CCDC138: variants seen among roughly 807,000 people sequenced by gnomAD.
CCDC138 encodes coiled-coil domain-containing protein 138.
Under a neutral mutation model 82.3 loss-of-function variants are expected in CCDC138, and 66 were observed. That is an observed-to-expected ratio of 0.80 (90% CI 0.66 to 0.98). The LOEUF (loss-of-function observed/expected upper bound fraction) is 0.98, where lower values mean the gene tolerates loss of function less well. CCDC138 is among the 50% of genes least tolerant of loss of function. The probability of loss-of-function intolerance (pLI) is 0.00; values close to 1 mark genes in which losing one functional copy is unlikely to be tolerated. For synonymous variants in CCDC138, 297 were observed against 265.4 expected, an observed-to-expected ratio of 1.12 and a Z score of -1.16; for missense variants, 816 against 758.9, an observed-to-expected ratio of 1.08 and a Z score of -0.88.
intron 12 of CCDC138, among the ~76,000 whole-genome samples, chr2:108,855,590 T>TA (rs1355494401): frequency 6.6e-6 from 1 of 152,208 alleles, no homozygotes; most frequent in Non-Finnish European, 1.5e-5. Context: ...AATGTTTTTT[T>TA]AAACCACAAA....
At chr2:108,803,459 T>C (rs1250634950) in intron 6 of CCDC138, among the ~76,000 whole-genome samples, 3 of 152,228 alleles carry the variant, frequency 2.0e-5, no homozygotes, top group African/African-American at 7.2e-5. Context: ...TTAATTGTTT[T>C]AGAGACAGAG....
At chr2:108,824,164 A>G (rs1686177862) in intron 10 of CCDC138, among the ~76,000 whole-genome samples, 1 of 53,714 alleles carries the variant, frequency 1.9e-5, no homozygotes, top group Non-Finnish European at 4.6e-5. Context: ...AAATTTAGAA[A>G]AAAAAATTTT....
downstream of CCDC138, among the ~76,000 whole-genome samples, chr2:108,876,957 G>C (rs1248461330): frequency 6.6e-6 from 1 of 152,112 alleles, no homozygotes; most frequent in Non-Finnish European, 1.5e-5. Flanking sequence ...GGTAAAACTT[G>C]GGACTTAGGA....
At chr2:108,824,678 A>G (rs1686262015) in intron 10 of CCDC138, among the ~76,000 whole-genome samples, 1 of 151,178 alleles carries the variant, frequency 6.6e-6, no homozygotes, top group Non-Finnish European at 1.5e-5. Context: ...AACCAGTAAC[A>G]TAGTCATTTA....
chr2:108,885,481 C>G (rs1391653986), downstream of CCDC138: 1 of 152,156 alleles, frequency 6.6e-6, no homozygotes, highest in Non-Finnish European at 1.5e-5. Flanking sequence ...AAAGTAAGTA[C>G]TGTATCTGTA....
intron 10 of CCDC138, among the ~76,000 whole-genome samples, chr2:108,818,847 A>C (rs568633741): frequency 9.2e-5 from 14 of 151,916 alleles, no homozygotes; most frequent in Non-Finnish European, 2.1e-4. Flanking sequence ...ATTTGATCAC[A>C]GTTATAATTT....
rs371230298 is a variant in CCDC138, at chr2:108,849,818, C to A, written c.1516+2888C>A. On this transcript the variant is annotated intron_variant, in intron 12 of 14. Coordinates refer to ENST00000295124, the MANE Select transcript of CCDC138 (RefSeq NM_144978.3). ...TGGGGTTCCAGTGTTCATCTACTAC[C>A]TGGGGCCAAGGTACATGCTGCTGCC... 3.0e-4 allele frequency among the ~76,000 whole-genome samples: 46 copies of A among 152,290 alleles called. No homozygotes were observed. In the South Asian group the frequency reaches 9.3e-3, roughly 31 times the overall value.
intron 12 of CCDC138, among the ~76,000 whole-genome samples, chr2:108,854,010 A>AATATATAATAAATTTATATTATATATT (rs1692138330): frequency 2.0e-5 from 2 of 99,420 alleles, no homozygotes; most frequent in South Asian, 3.1e-4. Flanking sequence ...TATTATATAT[A>AATATATAATAAATTTATATTATATATT]ATATATAATA....
intron 10 of CCDC138, among the ~76,000 whole-genome samples, chr2:108,820,244 C>G (rs1685448045): frequency 6.6e-6 from 1 of 151,816 alleles, no homozygotes; most frequent in South Asian, 2.1e-4. Flanking sequence ...CCCGTGCCTA[C>G]AAAAAGTTCT....
At position 108,839,223 on chromosome 2, in the gene CCDC138, A is replaced by G. The variant is rs1196537418; in HGVS notation, c.1245A>G (p.Pro415=). Reference sequence around the variant, plus strand: ...TGACAGAGCAGCTACAGTGGATGCCATTTGTGAATATCAAACTTCACGAGC... The same window carrying G: ...TGACAGAGCAGCTACAGTGGATGCCGTTTGTGAATATCAAACTTCACGAGC... The part of the protein sequence containing the change: ...PLMTEQLQWM[P]FVNIKLHEPF... Residue 415 remains proline, a synonymous_variant, in exon 11 of 15, where the codon CCA becomes CCG. Coordinates refer to ENST00000295124, the MANE Select transcript of CCDC138 (RefSeq NM_144978.3). 2 of 1,612,364 alleles carry G rather than the reference A, an allele frequency of 1.2e-6. No individual in the cohort carries two copies. The highest frequency in any genetic ancestry group is 1.7e-6 in the Non-Finnish European group (2 of 1,179,028).
At position 108,862,848 on chromosome 2, in the gene CCDC138, G is replaced by A. The variant is rs142676058; in HGVS notation, c.1693+5878G>A. 1.1e-3 allele frequency among the ~76,000 whole-genome samples: 164 copies of A among 152,024 alleles called. 3 individuals carry two copies. The highest frequency in any genetic ancestry group is 3.9e-3 in the African/African-American group (161 of 41,466). On this transcript the variant is annotated intron_variant, in intron 13 of 14. Transcript: ENST00000295124. ...GTGCATATACAGTTGCATATTTGCA[G>A]GTAGGCTATGTTTATCTGTTTAAAA...
At chr2:108,811,095 CTTTTCTTTTTTT>C (rs1172853647) in intron 7 of CCDC138, among the ~76,000 whole-genome samples, 8 of 46,750 alleles carry the variant, frequency 1.7e-4, no homozygotes, top group Non-Finnish European at 3.5e-4. Flanking sequence ...CTCCTTTTTT[CTTTTCTTTTTTT>C]TTTTCTTTTT....
At position 108,788,063 on chromosome 2, in the gene CCDC138, A is replaced by G. The variant is rs764035016; in HGVS notation, c.125A>G (p.Tyr42Cys). 6.3e-6 allele frequency: 10 copies of G among 1,597,908 alleles called. No homozygotes were observed. Among genetic ancestry groups the G allele is most frequent in the East Asian group, 2.2e-5 (1 of 44,564 alleles). Residue 42 changes from tyrosine (Y) to cysteine (C), a missense_variant, in exon 2 of 15, where the codon TAT (tyrosine) becomes TGT (cysteine). Coordinates refer to ENST00000295124, the MANE Select transcript of CCDC138 (RefSeq NM_144978.3). The part of the protein sequence containing the change: ...YDFSNFYQSK[Y>C]KRRTLTSPGD... The stretch of plus-strand genomic sequence containing the variant: ...TTTTCAAATTTTTATCAGTCTAAGT[A>G]TAAGAGAAGAACTCTAACCTCCCCA...
chr2:108,864,793 CAA>C (rs148029306), intron 13 of CCDC138, among the ~76,000 whole-genome samples: 15 of 125,022 alleles, frequency 1.2e-4, no homozygotes, highest in East Asian at 4.6e-4. Flanking sequence ...GACTCCATCT[CAA>C]AAAAAAAAAA....
chr2:108,808,030 T>C (rs1244439411), intron 7 of CCDC138, among the ~76,000 whole-genome samples: 1 of 152,212 alleles, frequency 6.6e-6, no homozygotes, highest in Admixed American at 6.5e-5. Flanking sequence ...ATCAACTTGT[T>C]TTTTAGCTTC....
At chr2:108,789,836 A>C (rs544903691) in intron 3 of CCDC138, among the ~76,000 whole-genome samples, 89 of 152,326 alleles carry the variant, frequency 5.8e-4, no homozygotes, top group African/African-American at 2.0e-3. Context: ...AAACAGTGGA[A>C]GCTAAGGTAA....
At chr2:108,839,783 A>G (rs1251688148) in intron 11 of CCDC138, among the ~76,000 whole-genome samples, 5 of 151,574 alleles carry the variant, frequency 3.3e-5, no homozygotes, top group Non-Finnish European at 5.9e-5. Context: ...CAGGATTTTT[A>G]CATAGAAAAT....
intron 7 of CCDC138, among the ~76,000 whole-genome samples, chr2:108,810,458 T>G (rs1318443282): frequency 6.6e-6 from 1 of 152,224 alleles, no homozygotes; most frequent in Non-Finnish European, 1.5e-5. Flanking sequence ...AAAACGTGAT[T>G]ATCACATTTT....
At chr2:108,820,444 CT>C (rs1426516007) in intron 10 of CCDC138, among the ~76,000 whole-genome samples, 1 of 152,052 alleles carries the variant, frequency 6.6e-6, no homozygotes, top group Admixed American at 6.6e-5. Flanking sequence ...ACATCCCAAA[CT>C]TTCCTTTTTT....
Sources: gnomAD v4.1 joint callset for allele counts (sites outside exome capture counted in the v4.1 genomes callset) on GRCh38, gnomAD v4.1.1 for gene constraint, MANE v1.5 for transcripts, NCBI Gene and HGNC (gene_info 2026-07-23, HGNC 2026-07-21) for gene names.